ESPL1: variants seen among roughly 807,000 people sequenced by gnomAD.
The protein encoded by ESPL1 is separin.
A neutral mutation model predicts 217.2 loss-of-function variants in ESPL1; 50 were observed. The observed-to-expected ratio is 0.23, with a 90% CI of 0.18 to 0.29. The LOEUF is 0.29. Among genes scored for constraint, ESPL1 ranks in the 10% least tolerant of loss-of-function variants. The pLI, the probability that ESPL1 is intolerant of heterozygous loss-of-function variation, is 1.00. For missense variants in ESPL1, 1,834 were observed against 2,603.0 expected (o/e 0.70, Z 6.43); for synonymous variants, 994 against 1,081.3 (o/e 0.92, Z 1.58).
At position 53,282,345 on chromosome 12, in the gene ESPL1, C is replaced by T; in HGVS notation, c.2701C>T (p.Arg901Cys). The T allele has an allele frequency of 6.2e-7, 1 of 1,614,126 alleles. No homozygotes were observed. Among genetic ancestry groups the T allele is most frequent in the Non-Finnish European group, 8.5e-7 (1 of 1,179,972 alleles). ...GTCCTCCAAGGCTTGGTACTTGCTG[C>T]GTGTCCAGGTCCTGCAGCTGGTGGC... ...QKSSKAWYLLRVQVLQLVAAY... is the reference protein window; with the variant it reads ...QKSSKAWYLLCVQVLQLVAAY... Residue 901 changes from arginine (R) to cysteine (C), a missense_variant, in exon 14 of 31, where the codon CGT becomes TGT. Physicochemically the swap from Arg to Cys is radical, Grantham distance 180. Around this residue, in one of 5 missense-constraint regions of ESPL1, gnomAD observed 5 missense variants for 26.5 expected, o/e 0.19. Transcript: ENST00000257934. The surrounding 1 kb of genome is among the most constrained non-coding windows in gnomAD (Gnocchi z 4.0).
intron 12 of ESPL1, among the ~76,000 whole-genome samples, chr12:53,281,269 C>G (rs1943857360): frequency 6.6e-6 from 1 of 151,138 alleles, no homozygotes; most frequent in Non-Finnish European, 1.5e-5. Flanking sequence ...TCCCGAGTAG[C>G]TGGGATTACA....
rs557542708 is a variant in ESPL1, at chr12:53,291,432, A to G, written c.5521-258A>G. On this transcript the variant is annotated intron_variant, in intron 25 of 30. Transcript: ENST00000257934. ...AGGGTGAAACCCCATCTCTACTAAAAATACAAAAATTAGCTGGGCTTGGTG... is the reference window on the plus strand; with the variant it reads ...AGGGTGAAACCCCATCTCTACTAAAGATACAAAAATTAGCTGGGCTTGGTG... 5.3e-5 allele frequency among the ~76,000 whole-genome samples: 8 copies of G among 152,046 alleles called. No homozygotes were observed. The South Asian group carries it at 1.7e-3, about 32-fold the overall frequency.
intron 5 of ESPL1, among the ~76,000 whole-genome samples, chr12:53,271,369 G>A (rs560071369): frequency 1.6e-4 from 24 of 151,442 alleles, no homozygotes; most frequent in Admixed American, 5.9e-4. Flanking sequence ...CTGCAGGCGC[G>A]CACCACTATG....
At chr12:53,290,279 T>A in intron 23 of ESPL1, 67 bp downstream of exon 23, 1 of 1,610,784 alleles carries the variant, frequency 6.2e-7, no homozygotes, top group Non-Finnish European at 8.5e-7. Context: ...GCTCACATTC[T>A]GTGTTGAGGG....
At chr12:53,283,673 A>G (rs1943900838) in intron 16 of ESPL1, 135 bp downstream of exon 16, 3 of 828,322 alleles carry the variant, frequency 3.6e-6, no homozygotes, top group Non-Finnish European at 5.7e-6. Context: ...CCACAGCTAA[A>G]TAAGTGGGAA....
At chr12:53,278,855 G>C (rs1943815675) in intron 11 of ESPL1, among the ~76,000 whole-genome samples, 1 of 151,774 alleles carries the variant, frequency 6.6e-6, no homozygotes, top group African/African-American at 2.4e-5. Flanking sequence ...CAAAGTGCTG[G>C]GATTACAGGC....
rs374128608 is a variant in ESPL1, at chr12:53,277,636, G to A, written c.2224+28G>A. On this transcript the variant is annotated intron_variant, in intron 10 of 30. Coordinates refer to ENST00000257934, the MANE Select transcript of ESPL1 (RefSeq NM_012291.5). ...GAGGGGTAAATGGAGTGTGGCATGG[G>A]CATCTCCATGGCTTCCTAAGAGTGG... is the stretch of plus-strand genomic sequence containing the variant. 14 of 1,610,626 alleles carry A rather than the reference G, an allele frequency of 8.7e-6. No homozygotes were observed. The Admixed American group carries it at 2.0e-4, about 23-fold the overall frequency.
chr12:53,285,475 A>G (rs1943931760), intron 17 of ESPL1, among the ~76,000 whole-genome samples: 2 of 152,066 alleles, frequency 1.3e-5, no homozygotes, highest in African/African-American at 2.4e-5. Context: ...TTTTACCTCC[A>G]AGGCGGGCGG....
At position 53,282,034 on chromosome 12, in the gene ESPL1, G is replaced by T. The variant is rs548130598; in HGVS notation, c.2620-230G>T. 6.6e-6 allele frequency among the ~76,000 whole-genome samples: 1 copy of T among 152,170 alleles called. No homozygotes were observed. The highest frequency in any genetic ancestry group is 1.9e-4 in the East Asian group (1 of 5,176). Reference sequence around the variant, plus strand: ...ACGTTTTTATCATTCCTAAATTGGCGGACAAGTCACTGGTGAGGGCAAAGC... The same window carrying T: ...ACGTTTTTATCATTCCTAAATTGGCTGACAAGTCACTGGTGAGGGCAAAGC... On this transcript the variant is annotated intron_variant, in intron 13 of 30. Coordinates refer to ENST00000257934, the MANE Select transcript of ESPL1 (RefSeq NM_012291.5). This position sits in a 1 kb window ranked among gnomAD's most constrained non-coding sequence, Gnocchi z 4.0.
rs781575984 is a variant in ESPL1 at position 53,290,916 on chromosome 12, G to A, written c.5440G>A (p.Gly1814Ser). The change falls in exon 25 of 31, where the codon GGC becomes AGC. Residue 1814 changes from glycine (G) to serine (S), a missense_variant. This residue lies in a region of ESPL1 where 295 missense variants were observed against 519.8 expected (regional missense o/e 0.57). Coordinates refer to ENST00000257934, the MANE Select transcript of ESPL1 (RefSeq NM_012291.5). ...GLLLPSSEEP[G>S]PAQEASRLQE... ...GCTGCTGCCGTCCAGTGAGGAGCCCGGCCCTGCCCAGGAGGCCTCCCGCCT... is the reference window on the plus strand; with the variant it reads ...GCTGCTGCCGTCCAGTGAGGAGCCCAGCCCTGCCCAGGAGGCCTCCCGCCT... The A allele has an allele frequency of 2.6e-5, 42 of 1,607,028 alleles. No individual in the cohort carries two copies. The highest frequency in any genetic ancestry group is 6.8e-5 in the Admixed American group (4 of 58,872).
At chr12:53,270,888 C>A in intron 5 of ESPL1, 90 bp downstream of exon 5, 1 of 1,422,450 alleles carries the variant, frequency 7.0e-7, no homozygotes, top group Non-Finnish European at 9.7e-7. Flanking sequence ...GTTCTGACCA[C>A]TGTGAGGGTT....
chr12:53,293,322 C>A lies in ESPL1; in HGVS notation c.6211C>A (p.Arg2071Ser). 1.2e-6 allele frequency: 2 copies of A among 1,614,146 alleles called. No homozygotes were observed. Among genetic ancestry groups the A allele is most frequent in the Non-Finnish European group, 1.7e-6 (2 of 1,180,012 alleles). ...GGATGTGACTGACCGCGACATTGAC[C>A]GCTACACGGAAGCTCTGCTGCAAGG... ...LWDVTDRDIDRYTEALLQGWL... is the reference protein window; with the variant it reads ...LWDVTDRDIDSYTEALLQGWL... The change falls in exon 31 of 31, where the codon CGC (arginine) becomes AGC (serine). Residue 2071 changes from arginine (R) to serine (S), a missense_variant. Coordinates refer to ENST00000257934, the MANE Select transcript of ESPL1 (RefSeq NM_012291.5). The surrounding 1 kb of genome is among the most constrained non-coding windows in gnomAD (Gnocchi z 4.2).
rs1565752352 is a variant in ESPL1 at position 53,272,836 on chromosome 12, T to A, written c.1485T>A (p.Tyr495Ter). The A allele has an allele frequency of 6.2e-7, 1 of 1,613,910 alleles. No individual in the cohort carries two copies. Among genetic ancestry groups the A allele is most frequent in the Admixed American group, 1.7e-5 (1 of 60,006 alleles). The change falls in exon 6 of 31, where the codon TAT becomes TAA. Residue 495 changes from tyrosine to a stop codon, truncating the protein, a stop_gained. Coordinates refer to ENST00000257934, the MANE Select transcript of ESPL1 (RefSeq NM_012291.5). LOFTEE classifies it high-confidence loss of function. ...QHLGLVKPGT[Y>*]PEVPPEKLHR... ...TGGGTTTGGTGAAGCCAGGCACTTATCCCGAGGTGCCTCCTGAGAAGGTAC... is the reference window on the plus strand; with the variant it reads ...TGGGTTTGGTGAAGCCAGGCACTTAACCCGAGGTGCCTCCTGAGAAGGTAC...
rs777248467 is a variant in ESPL1, at chr12:53,292,259, G to A, written c.5797-19G>A. On this transcript the variant is annotated intron_variant, in intron 27 of 30. Transcript: ENST00000257934. This position sits in a 1 kb window ranked among gnomAD's most constrained non-coding sequence, Gnocchi z 4.5. The stretch of plus-strand genomic sequence containing the variant: ...TCTTGGTGAGACAAGCATCCTAATC[G>A]CCAGTGTCTCCTCCTCAGTATGGGG... 1.5e-5 allele frequency: 24 copies of A among 1,573,696 alleles called. No individual in the cohort carries two copies. Among genetic ancestry groups the A allele is most frequent in the Middle Eastern group, 1.7e-4 (1 of 5,954 alleles).
At chr12:53,279,904 G>A (rs1262145191) in intron 12 of ESPL1, 38 bp downstream of exon 12, 1 of 1,510,716 alleles carries the variant, frequency 6.6e-7, no homozygotes, top group Non-Finnish European at 8.8e-7. Context: ...GACTGCAGGG[G>A]GCCCGTAGCT....
At position 53,283,176 on chromosome 12, in the gene ESPL1, C is replaced by T; in HGVS notation, c.2839C>T (p.Arg947Ter). 1 of 1,614,184 alleles carries T rather than the reference C, an allele frequency of 6.2e-7. No homozygotes were observed. The highest frequency in any genetic ancestry group is 8.5e-7 in the Non-Finnish European group (1 of 1,180,018). The change falls in exon 15 of 31, where the codon CGA becomes TGA. Residue 947 changes from arginine to a stop codon, truncating the protein, a stop_gained. Transcript: ENST00000257934. LOFTEE classifies it high-confidence loss of function. ...TCTCATAGACTCCCATAAGCTCCTCCGAAGCATCATCCTCCTGCTGATGGG... is the reference window on the plus strand; with the variant it reads ...TCTCATAGACTCCCATAAGCTCCTCTGAAGCATCATCCTCCTGCTGATGGG... Reference protein sequence around the residue: ...IALIDSHKLLRSIILLLMGSD... With the variant: ...IALIDSHKLL
chr12:53,268,718 A>G, intron 1 of ESPL1, 37 bp from the exon 2 acceptor site: 1 of 1,291,200 alleles, frequency 7.7e-7, no homozygotes. Flanking sequence ...AGTTAGCTTC[A>G]TTAACAATCT....
Sources: gnomAD v4.1 joint callset for allele counts (sites outside exome capture counted in the v4.1 genomes callset) on GRCh38, gnomAD v4.1.1 for gene constraint, gnomAD v4.1.1 regional missense constraint, Gnocchi (gnomAD v3.1) non-coding constraint, MANE v1.5 for transcripts, NCBI Gene and HGNC (gene_info 2026-07-23, HGNC 2026-07-21) for gene names.